PRKD2: variants seen among roughly 807,000 people sequenced by gnomAD.
The protein encoded by PRKD2 is serine/threonine-protein kinase D2.
PRKD2 carries 22 observed loss-of-function variants against 86.0 expected under a neutral mutation model. The ratio of observed to expected loss-of-function variants is 0.26; its 90% CI spans 0.18 to 0.37. PRKD2 has a LOEUF of 0.37. Among genes scored for constraint, PRKD2 ranks in the 10% least tolerant of loss-of-function variants. The pLI is 1.00. For missense variants in PRKD2, 818 were observed against 1,199.2 expected, an observed-to-expected ratio of 0.68 and a Z score of 4.70; for synonymous variants, 509 against 510.9, an observed-to-expected ratio of 1.00 and a Z score of 0.05.
In PRKD2 at chr19:46,678,096, T is replaced by C. The variant is rs1020894227; in HGVS notation, c.2338+300A>G. 2.0e-5 allele frequency among the ~76,000 whole-genome samples: 3 copies of C among 152,164 alleles called. No individual in the cohort carries two copies. Among genetic ancestry groups the C allele is most frequent in the African/African-American group, 7.2e-5 (3 of 41,432 alleles). On this transcript the variant is annotated intron_variant, in intron 16 of 17. Transcript: ENST00000291281. The surrounding 1 kb of genome is among the most constrained non-coding windows in gnomAD (Gnocchi z 5.7). ...GTACCCTCAAGTCCAGTCCCTTTCC[T>C]GGTCCCACCCTAGACAAGCCAAGTC...
intron 12 of PRKD2, among the ~76,000 whole-genome samples, chr19:46,691,132 T>C (rs967995094): frequency 2.6e-5 from 4 of 152,088 alleles, no homozygotes; most frequent in African/African-American, 4.8e-5. Context: ...CTCTAGGATC[T>C]AGCTCTGTGG....
At chr19:46,704,701 T>A in intron 3 of PRKD2, 52 bp from the exon 4 acceptor site, 2 of 1,539,166 alleles carry the variant, frequency 1.3e-6, no homozygotes, top group Non-Finnish European at 1.7e-6. Context: ...CTCCTAGGTC[T>A]CTTCTTGAGA....
intron 13 of PRKD2, 52 bp downstream of exon 13, chr19:46,690,548 C>T: frequency 6.4e-7 from 1 of 1,564,708 alleles, no homozygotes. Context: ...TACACTGGGT[C>T]AGCTGGCCCA....
intron 9 of PRKD2, among the ~76,000 whole-genome samples, chr19:46,695,762 A>G (rs951778348): frequency 1.3e-5 from 2 of 152,152 alleles, no homozygotes; most frequent in African/African-American, 4.8e-5. Context: ...GAAAGAATGA[A>G]TGACTTAGGC....
At chr19:46,691,453 G>C (rs1043768440) in intron 12 of PRKD2, among the ~76,000 whole-genome samples, 2 of 152,156 alleles carry the variant, frequency 1.3e-5, no homozygotes, top group Admixed American at 1.3e-4. Flanking sequence ...TCAGAGTGCA[G>C]AATCTACCTT....
intron 2 of PRKD2, among the ~76,000 whole-genome samples, chr19:46,713,179 C>T (rs1401031493): frequency 2.1e-5 from 3 of 145,984 alleles, no homozygotes; most frequent in African/African-American, 7.9e-5. Flanking sequence ...CCACCTCGCC[C>T]GGTTAACTTT....
At chr19:46,688,813 T>C (rs2053439392) in intron 14 of PRKD2, 1 of 151,882 alleles carries the variant, frequency 6.6e-6, no homozygotes, top group African/African-American at 2.4e-5. Flanking sequence ...GGGGTCTCGC[T>C]ATGTTGCCCA....
intron 1 of PRKD2, chr19:46,714,221 T>C (rs2053851001): frequency 2.3e-6 from 3 of 1,309,198 alleles, no homozygotes; most frequent in Non-Finnish European, 2.9e-6. Flanking sequence ...GTGGGTTTGG[T>C]GGCTGGAAGG....
chr19:46,684,703 G>C (rs1016907467), intron 14 of PRKD2, among the ~76,000 whole-genome samples: 1 of 152,146 alleles, frequency 6.6e-6, no homozygotes, highest in Non-Finnish European at 1.5e-5. Flanking sequence ...GGTGGCTTAC[G>C]CCTGTAATCC....
chr19:46,680,946 A>ATTTTTTTT (rs1222612655), intron 15 of PRKD2, among the ~76,000 whole-genome samples: 13 of 48,248 alleles, frequency 2.7e-4, no homozygotes, highest in East Asian at 4.4e-4. Context: ...ATATATATAT[A>ATTTTTTTT]TTTTTTTTTT....
At position 46,678,374 on chromosome 19, in the gene PRKD2, G is replaced by T. The variant is rs750316895; in HGVS notation, c.2338+22C>A. 2.5e-6 allele frequency: 4 copies of T among 1,612,696 alleles called. No individual in the cohort carries two copies. Among genetic ancestry groups the T allele is most frequent in the Admixed American group, 1.7e-5 (1 of 59,890 alleles). ...CCCACCCCACAACCCACCCGCCCATGGGGTAGGCGGGCCCCAGGCACCTCC... is the reference window on the plus strand; with the variant it reads ...CCCACCCCACAACCCACCCGCCCATTGGGTAGGCGGGCCCCAGGCACCTCC... On this transcript the variant is annotated intron_variant, in intron 16 of 17. Transcript: ENST00000291281. This position sits in a 1 kb window ranked among gnomAD's most constrained non-coding sequence, Gnocchi z 5.7.
At chr19:46,696,219 G>A (rs2053555421) in intron 9 of PRKD2, among the ~76,000 whole-genome samples, 1 of 152,138 alleles carries the variant, frequency 6.6e-6, no homozygotes, top group African/African-American at 2.4e-5. Context: ...CAAGGAAGAC[G>A]CTCCAGGGCA....
At chr19:46,692,660 C>G (rs559961493) in intron 10 of PRKD2, among the ~76,000 whole-genome samples, 49 of 152,188 alleles carry the variant, frequency 3.2e-4, no homozygotes, top group Non-Finnish European at 4.9e-4. Context: ...GAAGCCTGAG[C>G]CCCTTAAATG....
chr19:46,709,591 C>T (rs1426445466), intron 3 of PRKD2, among the ~76,000 whole-genome samples: 1 of 152,122 alleles, frequency 6.6e-6, no homozygotes, highest in Non-Finnish European at 1.5e-5. Context: ...GAACTCCTGA[C>T]CTCAGGTGAT....
At chr19:46,702,302 A>G (rs984469912) in intron 5 of PRKD2, among the ~76,000 whole-genome samples, 1 of 151,066 alleles carries the variant, frequency 6.6e-6, no homozygotes, top group African/African-American at 2.4e-5. Context: ...AGCCTCCCAA[A>G]GTGCTGGGAT....
At chr19:46,699,317 T>TA (rs1257648956) in intron 7 of PRKD2, among the ~76,000 whole-genome samples, 1 of 152,198 alleles carries the variant, frequency 6.6e-6, no homozygotes, top group African/African-American at 2.4e-5. Flanking sequence ...CTCTTGTTTT[T>TA]ATCACCATTA....
intron 9 of PRKD2, among the ~76,000 whole-genome samples, chr19:46,695,466 G>C (rs1328477846): frequency 6.6e-6 from 1 of 152,268 alleles, no homozygotes. Flanking sequence ...CTGGGTGACA[G>C]AGCGAGACTC....
intron 15 of PRKD2, 93 bp downstream of exon 15, chr19:46,681,557 C>G (rs2053307039): frequency 1.1e-6 from 1 of 933,058 alleles, no homozygotes. Flanking sequence ...TGCCTCGCCC[C>G]CACATCTTGA....
intron 14 of PRKD2, among the ~76,000 whole-genome samples, chr19:46,684,376 C>T (rs1247510417): frequency 6.6e-6 from 1 of 152,176 alleles, no homozygotes; most frequent in Non-Finnish European, 1.5e-5. Flanking sequence ...CGCTGGAGTG[C>T]AACGGCATGA....
Sources: allele counts gnomAD v4.1 joint callset (sites outside exome capture counted in the v4.1 genomes callset), GRCh38; gene constraint gnomAD v4.1.1; non-coding constraint Gnocchi (gnomAD v3.1); transcripts MANE v1.5; gene names NCBI Gene and HGNC (gene_info 2026-07-23, HGNC 2026-07-21).